Variants in ATP13A5 observed in about 807,000 individuals in gnomAD.
ATP13A5 encodes the protein probable cation-transporting ATPase 13A5.
A neutral mutation model predicts 150.2 loss-of-function variants in ATP13A5; 149 were observed. That is an observed-to-expected ratio of 0.99 (90% CI 0.87 to 1.14). The LOEUF (loss-of-function observed/expected upper bound fraction) is 1.14, where lower values mean the gene tolerates loss of function less well. Among genes scored for constraint, ATP13A5 ranks in the 50% most tolerant of loss-of-function variants. The pLI is 0.00. For synonymous variants in ATP13A5, 497 were observed against 522.2 expected (o/e 0.95, Z 0.66); for missense variants, 1,383 against 1,449.3 (o/e 0.95, Z 0.74).
At chr3:193,277,556 T>A (rs1717278981) in intron 28 of ATP13A5, 2 of 152,246 alleles carry the variant, frequency 1.3e-5, no homozygotes, top group Admixed American at 6.5e-5. Context: ...CTCCGTAGTA[T>A]CTAAATGCTT....
chr3:193,349,838 G>A (rs1027941038), intron 7 of ATP13A5, among the ~76,000 whole-genome samples: 8 of 152,086 alleles, frequency 5.3e-5, no homozygotes, highest in African/African-American at 1.9e-4. Context: ...TAATATAGCA[G>A]CATCTATTAA....
At chr3:193,311,341 C>T (rs1718841147) in intron 20 of ATP13A5, among the ~76,000 whole-genome samples, 2 of 152,186 alleles carry the variant, frequency 1.3e-5, no homozygotes, top group African/African-American at 4.8e-5. Flanking sequence ...CCCTGCACAG[C>T]ACTATTTTAA....
chr3:193,318,835 C>G (rs949296227), intron 17 of ATP13A5, among the ~76,000 whole-genome samples, 156 bp downstream of exon 17: 6 of 152,190 alleles, frequency 3.9e-5, no homozygotes, highest in African/African-American at 1.4e-4. Context: ...CCAGTATCAC[C>G]TACAATTATC....
intron 2 of ATP13A5, 76 bp downstream of exon 2, chr3:193,364,031 C>G (rs1577373476): frequency 1.4e-6 from 2 of 1,444,640 alleles, no homozygotes; most frequent in East Asian, 2.3e-5. Context: ...ATAATACCAG[C>G]CACAGAGTTA....
rs558247126 is a variant in ATP13A5 at position 193,337,189 on chromosome 3, T to C, written c.944-2090A>G. ...AAATTTTCTCCCATTCTCTAGGTTG[T>C]CTGTTCACTCTGACGGTAGTTTCTT... On this transcript the variant is annotated intron_variant, in intron 9 of 29. Coordinates refer to ENST00000342358, the MANE Select transcript of ATP13A5 (RefSeq NM_198505.4). Among the ~76,000 whole-genome samples the C allele has an allele frequency of 7.5e-3, 1,148 of 152,284 alleles. 10 individuals are homozygous for C. Among genetic ancestry groups the C allele is most frequent in the African/African-American group, 0.026 (1,077 of 41,544 alleles).
At position 193,275,204 on chromosome 3, in the gene ATP13A5, T is replaced by C. The variant is rs1240097338; in HGVS notation, c.3495A>G (p.Ala1165=). 1 of 1,614,234 alleles carries C rather than the reference T, an allele frequency of 6.2e-7. No homozygotes were observed. The highest frequency in any genetic ancestry group is 2.2e-5 in the East Asian group (1 of 44,886). ...SQYRTWQKKL[A]EDSTWPPINR... ...TTATGGGAGGCCAGGTTGAGTCTTC[T>C]GCTAGCTTCTTTTGCCAAGTCCTAT... The change falls in exon 30 of 30, where the codon GCA becomes GCG. Residue 1165 remains alanine, a synonymous_variant. Coordinates refer to ENST00000342358, the MANE Select transcript of ATP13A5 (RefSeq NM_198505.4).
intron 29 of ATP13A5, among the ~76,000 whole-genome samples, chr3:193,275,640 G>T (rs1042173061): frequency 6.6e-6 from 1 of 152,206 alleles, no homozygotes; most frequent in African/African-American, 2.4e-5. Context: ...ATCACCATTA[G>T]CCTTGCTACC....
chr3:193,374,640 GACACACACAC>G (rs113705500), intron 1 of ATP13A5, among the ~76,000 whole-genome samples: 1 of 93,144 alleles, frequency 1.1e-5, no homozygotes, highest in African/African-American at 4.1e-5. Context: ...GTAAGACCAT[GACACACACAC>G]ACACACACAC....
chr3:193,343,475 T>C (rs990014837), intron 9 of ATP13A5, among the ~76,000 whole-genome samples: 1 of 152,202 alleles, frequency 6.6e-6, no homozygotes, highest in Non-Finnish European at 1.5e-5. Context: ...CTGTGAAACC[T>C]TGGCCTCAGT....
chr3:193,301,232 G>A lies in ATP13A5; in HGVS notation c.2754C>T (p.Ile918=), dbSNP rs768145622. 10 of 1,613,222 alleles carry A rather than the reference G, an allele frequency of 6.2e-6. No individual in the cohort carries two copies. Among genetic ancestry groups the A allele is most frequent in the Non-Finnish European group, 6.8e-6 (8 of 1,179,378 alleles). ...YLTMYGIIQF[I]SALLLYWQLQ... is the part of the protein sequence containing the mutation. ...ATACCCAATAGAGCAGTAATGCACT[G>A]ATAAACTGGATTATGCCGTACATGG... The change falls in exon 24 of 30, where the codon ATC becomes ATT. Residue 918 remains isoleucine, a synonymous_variant. Transcript: ENST00000342358.
chr3:193,289,754 C>A, intron 26 of ATP13A5, 131 bp downstream of exon 26: 1 of 781,408 alleles, frequency 1.3e-6, no homozygotes. Context: ...TCTGTCCCAT[C>A]ATTTGAGTTT....
chr3:193,291,248 G>C (rs1717942563), intron 25 of ATP13A5, among the ~76,000 whole-genome samples: 1 of 152,014 alleles, frequency 6.6e-6, no homozygotes, highest in Non-Finnish European at 1.5e-5. Context: ...ACCTATACCA[G>C]ATCAATCAAT....
intron 5 of ATP13A5, among the ~76,000 whole-genome samples, chr3:193,355,057 C>T (rs560265104): frequency 6.1e-4 from 92 of 151,628 alleles, no homozygotes; most frequent in Non-Finnish European, 7.9e-4. Context: ...CTCTGCCTCC[C>T]GAGTAGCTGG....
rs762814381 is a variant in ATP13A5, at chr3:193,289,982, A to C, written c.2926T>G (p.Ser976Ala). The C allele has an allele frequency of 6.2e-7, 1 of 1,612,898 alleles. No homozygotes were observed. Among genetic ancestry groups the C allele is most frequent in the Non-Finnish European group, 8.5e-7 (1 of 1,179,304 alleles). ...GAGAAACAGGAATTCAAAAATATTG[A>C]AAGCAGTAAAGGGGGAGAAAGGAGC... The part of the protein sequence containing the change: ...GQLLSPPLLL[S>A]IFLNSCFSCI... Residue 976 changes from serine (S) to alanine (A), a missense_variant, in exon 26 of 30, where the codon TCA (serine) becomes GCA (alanine). Coordinates refer to ENST00000342358, the MANE Select transcript of ATP13A5 (RefSeq NM_198505.4).
chr3:193,291,872 G>C lies in ATP13A5; in HGVS notation c.2849-1813C>G, dbSNP rs188684858. On this transcript the variant is annotated intron_variant, in intron 25 of 29. Transcript: ENST00000342358. ...CCTTACCCTAGGTGTCTCTTCCTTT[G>C]GCTGGTTCTGATTTTTGTCTTTTTG... is the stretch of plus-strand genomic sequence containing the variant. Among the ~76,000 whole-genome samples, 189 of 152,102 alleles carry C rather than the reference G, an allele frequency of 1.2e-3. 1 individual carries two copies. The highest frequency in any genetic ancestry group is 2.1e-3 in the Non-Finnish European group (146 of 67,954).
In ATP13A5 at chr3:193,319,106, G is replaced by T; in HGVS notation, c.1918C>A (p.Pro640Thr). ...VARFCRSETV[P>T]KNFPQELRSY... ...CTCAGTTCCTGTGGGAAATTCTTGG[G>T]CACTGCCAGGGTAGAAGAAACAGGT... The change falls in exon 17 of 30, where the codon CCC becomes ACC. Residue 640 changes from proline (P) to threonine (T), a missense_variant and splice_region_variant. Physicochemically the swap from Pro to Thr is conservative, Grantham distance 38. Transcript: ENST00000342358. The T allele has an allele frequency of 3.1e-6, 5 of 1,612,466 alleles. No individual in the cohort carries two copies. Among genetic ancestry groups the T allele is most frequent in the Non-Finnish European group, 4.2e-6 (5 of 1,178,630 alleles).
At chr3:193,374,314 A>AGG (rs1306237745) in intron 1 of ATP13A5, among the ~76,000 whole-genome samples, 1 of 145,952 alleles carries the variant, frequency 6.9e-6, no homozygotes, top group Non-Finnish European at 1.5e-5. Context: ...AGAGAGAGAG[A>AGG]GGAAAGATTC....
In ATP13A5 at chr3:193,305,809, C is replaced by T. The variant is rs1046444640; in HGVS notation, c.2569-141G>A. ...TGGGTCTCTGTTTAATGCTGTCCCT[C>T]CACCTGGAGTGCCCTCTCTCCCCTG... On this transcript the variant is annotated intron_variant, in intron 22 of 29. Coordinates refer to ENST00000342358, the MANE Select transcript of ATP13A5 (RefSeq NM_198505.4). The T allele has an allele frequency of 2.2e-5, 15 of 684,720 alleles. No homozygotes were observed. The Admixed American group carries it at 3.9e-4, about 18-fold the overall frequency. The allele number at this position is 684,720 out of a possible 1,614,324, so 42.4% of individuals were successfully genotyped here. A position where few individuals can be genotyped will look rare whatever the true frequency, so the allele number is the denominator to read the frequency against.
chr3:193,282,112 T>C (rs1378356366), intron 27 of ATP13A5, among the ~76,000 whole-genome samples: 2 of 151,822 alleles, frequency 1.3e-5, no homozygotes, highest in Non-Finnish European at 2.9e-5. Flanking sequence ...AGAGAATTGC[T>C]TGATCCCGGG....
Sources: allele counts gnomAD v4.1 joint callset (sites outside exome capture counted in the v4.1 genomes callset), GRCh38; gene constraint gnomAD v4.1.1; transcripts MANE v1.5; gene names NCBI Gene and HGNC (gene_info 2026-07-23, HGNC 2026-07-21).